The following SLC23A2 variants were observed in gnomAD, a reference collection of about 807,000 sequenced individuals.
The protein encoded by SLC23A2 is solute carrier family 23 member 2.
SLC23A2 carries 36 observed loss-of-function variants against 73.3 expected under a neutral mutation model. The ratio of observed to expected loss-of-function variants is 0.49; its 90% CI spans 0.38 to 0.65. SLC23A2 has a LOEUF of 0.65. Among genes scored for constraint, SLC23A2 ranks in the 30% least tolerant of loss-of-function variants. The pLI, the probability that SLC23A2 is intolerant of heterozygous loss-of-function variation, is 0.00. For synonymous variants in SLC23A2, 343 were observed against 327.3 expected (o/e 1.05, Z -0.52); for missense variants, 507 against 841.6 (o/e 0.60, Z 4.92).
chr20:4,999,187 T>C (rs537193305), intron 1 of SLC23A2, among the ~76,000 whole-genome samples: 2 of 152,148 alleles, frequency 1.3e-5, no homozygotes, highest in African/African-American at 4.8e-5. Context: ...GGTCCCCAAA[T>C]AGATCCCTGG....
At chr20:4,935,594 C>T (rs889205011) in intron 2 of SLC23A2, among the ~76,000 whole-genome samples, 11 of 151,914 alleles carry the variant, frequency 7.2e-5, no homozygotes, top group East Asian at 1.9e-4. Context: ...GTCAGGAGAT[C>T]GAGACCATCC....
intron 2 of SLC23A2, among the ~76,000 whole-genome samples, chr20:4,954,450 A>G (rs2748904): frequency 0.054 from 8,234 of 152,250 alleles, 286 homozygotes; most frequent in Middle Eastern, 0.11. Flanking sequence ...TAATCCCAGC[A>G]CTTTAGGAGG....
In SLC23A2 at chr20:4,857,140, G is replaced by C. The variant is rs759841219; in HGVS notation, c.1785C>G (p.Leu595=). The change falls in exon 17 of 17, where the codon CTC becomes CTG. Residue 595 remains leucine (L), a synonymous_variant. Coordinates refer to ENST00000338244, the MANE Select transcript of SLC23A2 (RefSeq NM_005116.6). This position sits in a 1 kb window ranked among gnomAD's most constrained non-coding sequence, Gnocchi z 4.0. The part of the protein sequence containing the change: ...KKGVGKGNKS[L]DGMESYNLPF... ...GCAAATTGTACGACTCCATGCCGTCGAGTGATTTGTTCCCTTTGCCCACAC... is the reference window on the plus strand; with the variant it reads ...GCAAATTGTACGACTCCATGCCGTCCAGTGATTTGTTCCCTTTGCCCACAC... The C allele has an allele frequency of 1.2e-6, 2 of 1,613,966 alleles. No individual in the cohort carries two copies. Among genetic ancestry groups the C allele is most frequent in the Middle Eastern group, 1.6e-4 (1 of 6,062 alleles).
At chr20:4,877,015 T>C (rs1011539430) in intron 9 of SLC23A2, among the ~76,000 whole-genome samples, 2 of 147,730 alleles carry the variant, frequency 1.4e-5, no homozygotes, top group African/African-American at 5.0e-5. Flanking sequence ...TTTATGGACA[T>C]ACCAGGGGAC....
chr20:4,894,648 A>G (rs2122854740), intron 6 of SLC23A2, among the ~76,000 whole-genome samples: 1 of 152,290 alleles, frequency 6.6e-6, no homozygotes, highest in East Asian at 1.9e-4. Flanking sequence ...CTTGTGACAC[A>G]ACAGTGGGCA....
At position 4,983,646 on chromosome 20, in the gene SLC23A2, TAA is replaced by T. The variant is rs35983102; in HGVS notation, c.-281-12729_-281-12728del. On this transcript the variant is annotated intron_variant, in intron 1 of 16. Coordinates refer to ENST00000338244, the MANE Select transcript of SLC23A2 (RefSeq NM_005116.6). Reference sequence around the variant, plus strand: ...GGGTGACAAAGCAAGACTCCGTCTTTAAAAAAAAAAAAAAAAAAAAGACACAA... The same window carrying T: ...GGGTGACAAAGCAAGACTCCGTCTTTAAAAAAAAAAAAAAAAAAGACACAA... Among the ~76,000 whole-genome samples, 854 of 86,102 alleles carry T rather than the reference TAA, an allele frequency of 9.9e-3. 8 individuals are homozygous for T. The highest frequency in any genetic ancestry group is 0.033 in the African/African-American group (714 of 21,490). 56.5% of individuals were successfully genotyped at this position (86,102 alleles called of 152,430 possible). A position where few individuals can be genotyped will look rare whatever the true frequency, so the allele number is the denominator to read the frequency against.
intron 1 of SLC23A2, among the ~76,000 whole-genome samples, chr20:4,989,270 A>C: frequency 6.6e-6 from 1 of 151,578 alleles, no homozygotes; most frequent in East Asian, 1.9e-4. Context: ...ATAGCTAACT[A>C]TAGGAAGGAG....
At chr20:4,982,552 G>A (rs1947305139) in intron 1 of SLC23A2, among the ~76,000 whole-genome samples, 2 of 152,100 alleles carry the variant, frequency 1.3e-5, no homozygotes, top group African/African-American at 4.8e-5. Context: ...ACCCAGAATA[G>A]TCAAAACAAT....
rs1042730335 is a variant in SLC23A2, at chr20:4,899,797, G to A, written c.325-85C>T. ...TTCATCCTAATTCTTCTCTCTTATT[G>A]TCGTTAAAAAATAGCCCACATAAAG... On this transcript the variant is annotated intron_variant, in intron 5 of 16. Coordinates refer to ENST00000338244, the MANE Select transcript of SLC23A2 (RefSeq NM_005116.6). This position sits in a 1 kb window ranked among gnomAD's most constrained non-coding sequence, Gnocchi z 4.9. The A allele has an allele frequency of 5.0e-6, 7 of 1,399,696 alleles. No homozygotes were observed. Among genetic ancestry groups the A allele is most frequent in the Non-Finnish European group, 6.9e-6 (7 of 1,014,866 alleles). The allele number at this position is 1,399,696 out of a possible 1,614,324, so 86.7% of individuals were successfully genotyped here.
intron 2 of SLC23A2, among the ~76,000 whole-genome samples, chr20:4,945,075 T>C (rs1269500625): frequency 6.6e-6 from 1 of 152,012 alleles, no homozygotes; most frequent in Admixed American, 6.6e-5. Flanking sequence ...ACTGGTTACC[T>C]AATACACAGA....
chr20:4,885,134 C>A (rs147987064), intron 7 of SLC23A2, among the ~76,000 whole-genome samples: 1 of 152,136 alleles, frequency 6.6e-6, no homozygotes, highest in Admixed American at 6.5e-5. Flanking sequence ...TTGAAATGCC[C>A]GACAGCAAGG....
At chr20:4,875,253 A>G (rs911817055) in intron 9 of SLC23A2, among the ~76,000 whole-genome samples, 1 of 152,240 alleles carries the variant, frequency 6.6e-6, no homozygotes, top group Non-Finnish European at 1.5e-5. Context: ...TACTTTTAAA[A>G]GAGCAAAAAG....
rs1931525602 is a variant in SLC23A2, at chr20:4,896,437, G to A, written c.482+3118C>T. On this transcript the variant is annotated intron_variant, in intron 6 of 16. Transcript: ENST00000338244. ...AGATTCACAGCAAAAGCCCCCCTCA[G>A]CCTGGGAGGCCCAGACTGCCCACAA... Among the ~76,000 whole-genome samples the A allele has an allele frequency of 2.0e-5, 3 of 152,120 alleles. No individual in the cohort carries two copies. The South Asian group carries it at 6.2e-4, about 31-fold the overall frequency.
chr20:4,860,889 A>G (rs938347447), intron 15 of SLC23A2, among the ~76,000 whole-genome samples: 5 of 152,150 alleles, frequency 3.3e-5, no homozygotes, highest in African/African-American at 9.7e-5. Context: ...AAAAATACAA[A>G]AATTGACCGG....
chr20:4,859,664 C>T (rs1929880883), intron 15 of SLC23A2, among the ~76,000 whole-genome samples: 2 of 152,126 alleles, frequency 1.3e-5, no homozygotes, highest in Admixed American at 6.5e-5. Context: ...CTACAACGAA[C>T]TGTGAAGCCA....
rs11476144 is a variant in SLC23A2 at position 4,867,625 on chromosome 20, TAAAAAA to T, written c.1356+139_1356+144del. The T allele has an allele frequency of 6.4e-3, 1,903 of 296,126 alleles. 27 individuals carry two copies. Among genetic ancestry groups the T allele is most frequent in the African/African-American group, 0.053 (1,695 of 32,266 alleles). The allele number at this position is 296,126 out of a possible 1,614,324, so 18.3% of individuals were successfully genotyped here. A position where few individuals can be genotyped will look rare whatever the true frequency, so the allele number is the denominator to read the frequency against. On this transcript the variant is annotated intron_variant, in intron 13 of 16. Coordinates refer to ENST00000338244, the MANE Select transcript of SLC23A2 (RefSeq NM_005116.6). The stretch of plus-strand genomic sequence containing the variant: ...CTTCCAAACAGGCATTATAAACACT[TAAAAAA>T]AAAAAAAAAAAAAAAAAGGAGAGAA...
intron 4 of SLC23A2, 54 bp downstream of exon 4, chr20:4,912,826 C>T: frequency 2.6e-6 from 3 of 1,152,718 alleles, no homozygotes; most frequent in African/African-American, 1.5e-5. Context: ...CGGGGCAGCA[C>T]TTGTGGGAGG....
chr20:4,865,575 A>G (rs1347065724), intron 13 of SLC23A2, among the ~76,000 whole-genome samples: 1 of 152,180 alleles, frequency 6.6e-6, no homozygotes, highest in Non-Finnish European at 1.5e-5. Flanking sequence ...TGGTGGCCAC[A>G]TTATATGATG....
chr20:4,945,154 G>A (rs2087100132), intron 2 of SLC23A2, among the ~76,000 whole-genome samples: 2 of 152,066 alleles, frequency 1.3e-5, no homozygotes, highest in African/African-American at 4.8e-5. Context: ...AAAGCTCCAA[G>A]CAGCAACGAA....
Sources: allele counts gnomAD v4.1 joint callset (sites outside exome capture counted in the v4.1 genomes callset), GRCh38; gene constraint gnomAD v4.1.1; non-coding constraint Gnocchi (gnomAD v3.1); transcripts MANE v1.5; gene names NCBI Gene and HGNC (gene_info 2026-07-23, HGNC 2026-07-21).